The following LSP1 variants were observed in gnomAD, a reference collection of about 807,000 sequenced individuals.
LSP1 encodes lymphocyte-specific protein 1.
A neutral mutation model predicts 49.3 loss-of-function variants in LSP1; 32 were observed. The ratio of observed to expected loss-of-function variants is 0.65; its 90% CI spans 0.49 to 0.87. LSP1 has a LOEUF of 0.87. Among genes scored for constraint, LSP1 ranks in the 40% least tolerant of loss-of-function variants. The pLI, the probability that LSP1 is intolerant of heterozygous loss-of-function variation, is 0.00. For missense variants in LSP1, 428 were observed against 442.6 expected, an observed-to-expected ratio of 0.97 and a Z score of 0.30; for synonymous variants, 179 against 178.8, an observed-to-expected ratio of 1.00 and a Z score of -0.01.
chr11:1,887,777 G>A (rs1197743873), intron 10 of LSP1, among the ~76,000 whole-genome samples: 1 of 152,096 alleles, frequency 6.6e-6, no homozygotes, highest in South Asian at 2.1e-4. Context: ...CAAACTCTCT[G>A]CTCATTTCAC....
At chr11:1,870,132 G>C in intron 1 of LSP1, 1 of 539,760 alleles carries the variant, frequency 1.9e-6, no homozygotes, top group Non-Finnish European at 3.4e-6. Context: ...CTCTTTAAAC[G>C]GGGATGTCTG....
chr11:1,871,552 A>G, intron 1 of LSP1: 2 of 877,536 alleles, frequency 2.3e-6, no homozygotes, highest in South Asian at 5.2e-5. Context: ...GGGGGAAACC[A>G]GGCTCCATTT....
At chr11:1,876,109 G>A (rs2133099404) in intron 1 of LSP1, among the ~76,000 whole-genome samples, 1 of 152,366 alleles carries the variant, frequency 6.6e-6, no homozygotes, top group African/African-American at 2.4e-5. Context: ...CTCCGAAGCT[G>A]TATCATGAAC....
chr11:1,890,097 G>A, intron 10 of LSP1: 1 of 716,564 alleles, frequency 1.4e-6, no homozygotes, highest in South Asian at 1.5e-5. Context: ...GCCACTGGGG[G>A]GCCGGGTAGG....
At position 1,853,311 on chromosome 11, in the gene LSP1, A is replaced by G. The variant is rs140413005; in HGVS notation, c.53+114A>G. ...CCTGATGGGGAATCTGGGGCCCCCA[A>G]TGGGAGAACTTGGATGTCCGATGGG... On this transcript the variant is annotated intron_variant, in intron 1 of 10. Transcript: ENST00000311604. 201 of 1,145,724 alleles carry G rather than the reference A, an allele frequency of 1.8e-4. No individual in the cohort carries two copies. In the East Asian group the frequency reaches 3.5e-3, roughly 20 times the overall value. The allele number at this position is 1,145,724 out of a possible 1,614,324, so 71.0% of individuals were successfully genotyped here. A position where few individuals can be genotyped will look rare whatever the true frequency, so the allele number is the denominator to read the frequency against.
At chr11:1,883,805 G>A (rs538748741) in intron 4 of LSP1, 127 bp from the exon 5 acceptor site, 3 of 983,304 alleles carry the variant, frequency 3.1e-6, no homozygotes, top group African/African-American at 3.2e-5. Context: ...CTCCAGAACT[G>A]GAGCACGTCA....
intron 1 of LSP1, among the ~76,000 whole-genome samples, chr11:1,863,015 G>A (rs544124243): frequency 1.2e-4 from 18 of 152,232 alleles, no homozygotes; most frequent in African/African-American, 3.1e-4. Flanking sequence ...GGGTTGTGCC[G>A]GGGGAGGGGA....
At chr11:1,871,828 G>C (rs1454623629) in intron 1 of LSP1, among the ~76,000 whole-genome samples, 1 of 147,148 alleles carries the variant, frequency 6.8e-6, no homozygotes, top group Admixed American at 6.8e-5. Context: ...GCACTTTTGG[G>C]ACGGGGTGTG....
intron 1 of LSP1, among the ~76,000 whole-genome samples, chr11:1,877,996 G>C (rs1261498814): frequency 6.6e-6 from 1 of 152,014 alleles, no homozygotes; most frequent in Non-Finnish European, 1.5e-5. Context: ...TCCAAGCCCC[G>C]CCTCCCCTAT....
chr11:1,890,834 A>G lies in LSP1; in HGVS notation c.*14-939A>G. The stretch of plus-strand genomic sequence containing the variant: ...CCACAGAGGCCGAGTCCCTCCAGGG[A>G]TGGGGCTAGAACCTGCCTCCAGGGC... On this transcript the variant is annotated intron_variant, in intron 10 of 10. Transcript: ENST00000311604. 9 of 560,634 alleles carry G rather than the reference A, an allele frequency of 1.6e-5. No homozygotes were observed. The South Asian group carries it at 1.8e-4, about 11-fold the overall frequency. The allele number at this position is 560,634 out of a possible 1,614,324, so 34.7% of individuals were successfully genotyped here. A position where few individuals can be genotyped will look rare whatever the true frequency, so the allele number is the denominator to read the frequency against.
At chr11:1,855,271 G>A (rs1012736491) in intron 1 of LSP1, among the ~76,000 whole-genome samples, 3 of 152,192 alleles carry the variant, frequency 2.0e-5, no homozygotes, top group Admixed American at 6.5e-5. Context: ...AGGCAGGGAT[G>A]TATGGCCTGG....
intron 1 of LSP1, among the ~76,000 whole-genome samples, chr11:1,872,119 T>A (rs1848047809): frequency 7.2e-6 from 1 of 139,172 alleles, no homozygotes; most frequent in African/African-American, 2.8e-5. Flanking sequence ...GGAGGGGGTG[T>A]GTGTGGCGGG....
At chr11:1,879,891 G>A (rs565671743) in intron 1 of LSP1, among the ~76,000 whole-genome samples, 196 bp from the exon 2 acceptor site, 31 of 152,318 alleles carry the variant, frequency 2.0e-4, no homozygotes, top group Middle Eastern at 6.8e-3. Context: ...GGGCCAGAGG[G>A]CACCTCATGA....
Position 1,886,749 on chromosome 11 carries a change from C to T in LSP1, c.735C>T (p.Pro245=). ...TQAIETAGRT[P]KLARQASIEL... The stretch of plus-strand genomic sequence containing the variant: ...CTCTGCAGACCGCTGGCCGGACCCC[C>T]AAGCTAGCCCGCCAGGCCTCCATAG... Residue 245 remains proline (P), a synonymous_variant, in exon 8 of 11, where the codon CCC becomes CCT. Transcript: ENST00000311604. 1 of 1,610,830 alleles carries T rather than the reference C, an allele frequency of 6.2e-7. No individual in the cohort carries two copies. Among genetic ancestry groups the T allele is most frequent in the Non-Finnish European group, 8.5e-7 (1 of 1,179,028 alleles).
intron 1 of LSP1, among the ~76,000 whole-genome samples, chr11:1,879,529 C>T (rs1011406552): frequency 2.6e-5 from 4 of 152,208 alleles, no homozygotes; most frequent in African/African-American, 9.7e-5. Context: ...AGGTGTCCTG[C>T]CTGGACGTGC....
chr11:1,875,800 G>T (rs932572992), intron 1 of LSP1, among the ~76,000 whole-genome samples: 8 of 152,188 alleles, frequency 5.3e-5, no homozygotes, highest in African/African-American at 1.2e-4. Flanking sequence ...GGCGGACGGC[G>T]CATGCCCCTC....
At chr11:1,863,607 G>A (rs1847698649) in intron 1 of LSP1, 1 of 152,312 alleles carries the variant, frequency 6.6e-6, no homozygotes, top group South Asian at 2.1e-4. Context: ...TCGCGGAGCT[G>A]ACCCTCGGTG....
At chr11:1,889,465 G>C in intron 10 of LSP1, 1 of 634,546 alleles carries the variant, frequency 1.6e-6, no homozygotes, top group Non-Finnish European at 2.9e-6. Flanking sequence ...GGCACCTCCT[G>C]CTCTGTGGGG....
intron 1 of LSP1, among the ~76,000 whole-genome samples, chr11:1,877,429 T>C (rs963400195): frequency 3.6e-4 from 55 of 152,202 alleles, no homozygotes; most frequent in African/African-American, 1.3e-3. Context: ...TTACTCTGCA[T>C]CCCCTACTCT....
Sources: gnomAD v4.1 joint callset for allele counts (sites outside exome capture counted in the v4.1 genomes callset) on GRCh38, gnomAD v4.1.1 for gene constraint, MANE v1.5 for transcripts, NCBI Gene and HGNC (gene_info 2026-07-23, HGNC 2026-07-21) for gene names.